The following TUT4 variants were observed in gnomAD, a reference collection of about 807,000 sequenced individuals.
TUT4 encodes terminal uridylyltransferase 4.
In TUT4, 36 loss-of-function variants were observed where a neutral mutation model predicts 192.2. That is an observed-to-expected ratio of 0.19 (90% CI 0.14 to 0.25). The LOEUF is 0.25. Ranked by LOEUF, TUT4 falls within the 10% of genes least tolerant of loss-of-function variation. The pLI, the probability that TUT4 is intolerant of heterozygous loss-of-function variation, is 1.00. For synonymous variants in TUT4, 618 were observed against 666.0 expected (o/e 0.93, Z 1.11); for missense variants, 1,493 against 1,957.2 (o/e 0.76, Z 4.47).
In TUT4 at chr1:52,495,555, C is replaced by T. The variant is rs375409316; in HGVS notation, c.1178-40G>A. ...AAACATCAAAGCATGAAATAGCATG[C>T]AAATATGAGAGATGTAAAAAAACAG... On this transcript the variant is annotated intron_variant, in intron 5 of 29. Transcript: ENST00000257177. 38 of 1,431,576 alleles carry T rather than the reference C, an allele frequency of 2.7e-5. 1 individual carries two copies. In the African/African-American group the frequency reaches 5.2e-4, roughly 19 times the overall value. 88.7% of individuals were successfully genotyped at this position (1,431,576 alleles called of 1,614,324 possible). A position where few individuals can be genotyped will look rare whatever the true frequency, so the allele number is the denominator to read the frequency against.
In TUT4 at chr1:52,467,061, C is replaced by G. The variant is rs182790775; in HGVS notation, c.2965+1120G>C. Among the ~76,000 whole-genome samples the G allele has an allele frequency of 7.2e-4, 109 of 152,248 alleles. No individual in the cohort carries two copies. In the Middle Eastern group the frequency reaches 0.014, roughly 19 times the overall value. On this transcript the variant is annotated intron_variant, in intron 15 of 29. Transcript: ENST00000257177. ...TTGGGAGGCTAAGGCAGGAGGATTG[C>G]TTGAGCCCGGAAGTTTGAGGCTGCA...
At chr1:52,455,903 AC>A (rs1446261917) in intron 20 of TUT4, among the ~76,000 whole-genome samples, 1 of 152,030 alleles carries the variant, frequency 6.6e-6, no homozygotes, top group African/African-American at 2.4e-5. Context: ...ACAAAACTAA[AC>A]ATACTCGTAC....
chr1:52,436,322 C>A (rs1394458206), intron 26 of TUT4, among the ~76,000 whole-genome samples: 1 of 152,048 alleles, frequency 6.6e-6, no homozygotes, highest in Non-Finnish European at 1.5e-5. Flanking sequence ...CATGTCTCTA[C>A]TAAAAGTCTA....
chr1:52,477,418 A>T (rs907297683), intron 12 of TUT4, among the ~76,000 whole-genome samples: 2 of 152,018 alleles, frequency 1.3e-5, no homozygotes, highest in African/African-American at 4.8e-5. Context: ...ACAAAAAATA[A>T]AAAAAATTAG....
intron 1 of TUT4, 76 bp from the exon 2 acceptor site, chr1:52,526,449 A>C (rs1681765863): frequency 1.9e-6 from 1 of 529,650 alleles, no homozygotes; most frequent in African/African-American, 2.0e-5. Context: ...ACATTAAAAA[A>C]CAATTTTTTA....
chr1:52,449,817 T>C (rs1658817394), intron 20 of TUT4, among the ~76,000 whole-genome samples: 1 of 152,184 alleles, frequency 6.6e-6, no homozygotes, highest in South Asian at 2.1e-4. Context: ...ACCACCACTC[T>C]ACTTTCTGTC....
intron 1 of TUT4, among the ~76,000 whole-genome samples, chr1:52,546,703 CT>C (rs149416145): frequency 0.032 from 4,926 of 152,248 alleles, 123 homozygotes; most frequent in Middle Eastern, 0.13. Context: ...GTATATTTTA[CT>C]GCAATTTTTA....
chr1:52,475,213 ATTG>A lies in TUT4; in HGVS notation c.2343_2345del (p.Asn782del), dbSNP rs1207321972. On this transcript the variant is annotated inframe_deletion, in exon 13 of 30. Transcript: ENST00000257177. ...CAAAATCTAGTTCATTTACCAACAA[ATTG>A]TTGTTGTCAATAATACATCTCTGTG... The A allele has an allele frequency of 9.9e-6, 16 of 1,613,956 alleles. No individual in the cohort carries two copies. The highest frequency in any genetic ancestry group is 2.2e-5 in the East Asian group (1 of 44,894).
At position 52,532,089 on chromosome 1, in the gene TUT4, T is replaced by C. The variant is rs138146043; in HGVS notation, c.-93-5716A>G. Among the ~76,000 whole-genome samples, 831 of 151,850 alleles carry C rather than the reference T, an allele frequency of 5.5e-3. 1 individual carries two copies. The highest frequency in any genetic ancestry group is 0.014 in the Middle Eastern group (4 of 294). On this transcript the variant is annotated intron_variant, in intron 1 of 29. Transcript: ENST00000257177. ...TTTTAGCAGATACGGGGTTTTACCA[T>C]GTTGGTCAGGATGGTCCTGACCTCA...
At position 52,431,292 on chromosome 1, in the gene TUT4, G is replaced by C. The variant is rs116145055; in HGVS notation, c.4432C>G (p.Pro1478Ala). ...HQVQMPLYNF[P>A]QSPPAQYSPM... ...GAATACTGAGCTGGTGGTGACTGGG[G>C]AAAGTTATACAGTGGCATCTGGACC... Residue 1478 changes from proline (P) to alanine (A), a missense_variant, in exon 28 of 30, where the codon CCC (proline) becomes GCC (alanine). Pro to Ala is a conservative substitution (Grantham distance 27). This residue lies in a region of TUT4 where 351 missense variants were observed against 397.8 expected (regional missense o/e 0.88). Transcript: ENST00000257177. The C allele has an allele frequency of 1.2e-3, 2,001 of 1,614,194 alleles. 2 individuals are homozygous for C. The highest frequency in any genetic ancestry group is 1.6e-3 in the Non-Finnish European group (1,885 of 1,180,044).
chr1:52,457,792 A>G lies in TUT4; in HGVS notation c.3435+544T>C, dbSNP rs558346958. On this transcript the variant is annotated intron_variant, in intron 20 of 29. Transcript: ENST00000257177. ...ACAAAAAGGAACTTTATAAGTCACC[A>G]ATTCTGAGTGAATGAGTATAATCTG... 6.6e-5 allele frequency among the ~76,000 whole-genome samples: 10 copies of G among 152,362 alleles called. No homozygotes were observed. The East Asian group carries it at 1.9e-3, about 29-fold the overall frequency.
intron 26 of TUT4, among the ~76,000 whole-genome samples, chr1:52,436,004 A>G (rs1166585007): frequency 6.6e-6 from 1 of 150,940 alleles, no homozygotes; most frequent in Non-Finnish European, 1.5e-5. Context: ...ATGTTCTCTT[A>G]TTTTTTTTTA....
chr1:52,524,457 G>A (rs144214366), intron 2 of TUT4, among the ~76,000 whole-genome samples: 4,229 of 151,904 alleles, frequency 0.028, 79 homozygotes, highest in South Asian at 0.063. Context: ...CCGGGAGGGG[G>A]AGCTCGCAGT....
At chr1:52,455,576 C>G (rs1660651066) in intron 20 of TUT4, among the ~76,000 whole-genome samples, 1 of 140,078 alleles carries the variant, frequency 7.1e-6, no homozygotes. Flanking sequence ...ACAGTCCAGC[C>G]CGGGCAGCAA....
intron 6 of TUT4, among the ~76,000 whole-genome samples, chr1:52,494,799 C>CAT (rs1672063535): frequency 6.6e-6 from 1 of 152,084 alleles, no homozygotes; most frequent in South Asian, 2.1e-4. Context: ...TGAACATAAA[C>CAT]ATATTATTCA....
At chr1:52,535,294 T>C (rs1317882205) in intron 1 of TUT4, among the ~76,000 whole-genome samples, 1 of 152,178 alleles carries the variant, frequency 6.6e-6, no homozygotes, top group Admixed American at 6.5e-5. Context: ...TTTTTCCACC[T>C]TTCTTTTTGT....
chr1:52,446,011 A>G lies in TUT4; in HGVS notation c.3692-7T>C. On this transcript the variant is annotated splice_region_variant and splice_polypyrimidine_tract_variant and intron_variant, in intron 22 of 29. Transcript: ENST00000257177. ...TGATTCAAGTCAAAAGGGTCTACAA[A>G]AGAAATATATCAATGATTAAGAATT... The G allele has an allele frequency of 6.3e-7, 1 of 1,597,986 alleles. No homozygotes were observed. The highest frequency in any genetic ancestry group is 2.2e-5 in the East Asian group (1 of 44,728).
chr1:52,514,828 T>C (rs1571173906), intron 3 of TUT4: 1 of 150,766 alleles, frequency 6.6e-6, no homozygotes, highest in Admixed American at 6.6e-5. Context: ...CCCAGGCTGG[T>C]GTGCAGTGGC....
In TUT4 at chr1:52,458,387, C is replaced by T; in HGVS notation, c.3384G>A (p.Val1128=). ...GCTTTCTCTGCTGCAGAAAGTACAGCACCATAAGGATATATGCATATGAAG... is the reference window on the plus strand; with the variant it reads ...GCTTTCTCTGCTGCAGAAAGTACAGTACCATAAGGATATATGCATATGAAG... The part of the protein sequence containing the change: ...SLSSYAYILM[V]LYFLQQRKPP... The change falls in exon 20 of 30, where the codon GTG becomes GTA. Residue 1128 remains valine, a synonymous_variant. Coordinates refer to ENST00000257177, the MANE Select transcript of TUT4 (RefSeq NM_001009881.3). 1 of 1,614,002 alleles carries T rather than the reference C, an allele frequency of 6.2e-7. No homozygotes were observed. Among genetic ancestry groups the T allele is most frequent in the Non-Finnish European group, 8.5e-7 (1 of 1,179,956 alleles).
Sources: gnomAD v4.1 joint callset for allele counts (sites outside exome capture counted in the v4.1 genomes callset) on GRCh38, gnomAD v4.1.1 for gene constraint, gnomAD v4.1.1 regional missense constraint, MANE v1.5 for transcripts, NCBI Gene and HGNC (gene_info 2026-07-23, HGNC 2026-07-21) for gene names.